The following AKAP14 variants were observed in gnomAD, a reference collection of about 807,000 sequenced individuals.
The protein encoded by AKAP14 is A-kinase anchor protein 14.
A neutral mutation model predicts 17.0 loss-of-function variants in AKAP14; 4 were observed. The observed-to-expected ratio is 0.23, with a 90% CI of 0.12 to 0.54. The LOEUF (loss-of-function observed/expected upper bound fraction) is 0.54, where lower values mean the gene tolerates loss of function less well. AKAP14 is among the 20% of genes least tolerant of loss of function. The pLI is 0.95. For missense variants in AKAP14, 129 were observed against 150.9 expected, an observed-to-expected ratio of 0.85 and a Z score of 0.76; for synonymous variants, 42 against 51.3, an observed-to-expected ratio of 0.82 and a Z score of 0.77.
intron 5 of AKAP14, among the ~76,000 whole-genome samples, chrX:119,918,538 T>C (rs1215010983): frequency 8.9e-6 from 1 of 112,587 alleles, no homozygotes; most frequent in Non-Finnish European, 1.9e-5. Flanking sequence ...AGCCCTGTAA[T>C]TGTTTTATTA....
At chrX:119,906,234 T>C (rs1282722680) in intron 4 of AKAP14, among the ~76,000 whole-genome samples, 1 of 82,837 alleles carries the variant, frequency 1.2e-5, no homozygotes, top group Non-Finnish European at 2.3e-5. Flanking sequence ...TCTTTTTTTT[T>C]TTTTTTTTTT....
chrX:119,912,673 G>A (rs758754963), intron 4 of AKAP14, among the ~76,000 whole-genome samples: 3 of 111,091 alleles, frequency 2.7e-5, no homozygotes, highest in Admixed American at 1.9e-4. Context: ...TTACAGGCGT[G>A]AGCCACTGTG....
At chrX:119,910,672 T>A (rs2056622430) in intron 4 of AKAP14, among the ~76,000 whole-genome samples, 1 of 110,921 alleles carries the variant, frequency 9.0e-6, no homozygotes, top group African/African-American at 3.3e-5. Context: ...ATTCTTCTTC[T>A]TTTTTTTGAG....
chrX:119,920,504 G>A lies in AKAP14; in HGVS notation c.495-4G>A. Reference sequence around the variant, plus strand: ...TAAAAGTGTTTGTTTTTCTTCCTTTGTAGACCAGGAATGGTTCGCTTTCGA... The same window carrying A: ...TAAAAGTGTTTGTTTTTCTTCCTTTATAGACCAGGAATGGTTCGCTTTCGA... On this transcript the variant is annotated splice_region_variant and splice_polypyrimidine_tract_variant and intron_variant, in intron 6 of 6. Transcript: ENST00000371431. The A allele has an allele frequency of 8.4e-7, 1 of 1,195,626 alleles. No individual in the cohort carries two copies. The highest frequency in any genetic ancestry group is 1.1e-6 in the Non-Finnish European group (1 of 883,727).
chrX:119,914,877 C>T lies in AKAP14; in HGVS notation c.440C>T (p.Pro147Leu), dbSNP rs141817518. The change falls in exon 5 of 7, where the codon CCG becomes CTG. Residue 147 changes from proline to leucine, a missense_variant and splice_region_variant. By Grantham distance (98) the Pro-to-Leu change is moderately conservative. Coordinates refer to ENST00000371431, the MANE Select transcript of AKAP14 (RefSeq NM_178813.6). Reference sequence around the variant, plus strand: ...ATGAAGGTCTCCAAAACCAAACCACCGGTAAGTTCTTCTTTTTCTCCCTTC... The same window carrying T: ...ATGAAGGTCTCCAAAACCAAACCACTGGTAAGTTCTTCTTTTTCTCCCTTC... The part of the protein sequence containing the change: ...FTMKVSKTKP[P>L]DAPIVVSYVG... The T allele has an allele frequency of 1.9e-4, 225 of 1,200,389 alleles. No individual in the cohort carries two copies. The African/African-American group carries it at 3.6e-3, about 19-fold the overall frequency.
chrX:119,908,816 C>T (rs1187601304), intron 4 of AKAP14, among the ~76,000 whole-genome samples: 1 of 111,732 alleles, frequency 8.9e-6, no homozygotes, highest in Non-Finnish European at 1.9e-5. Context: ...TGCCTGCACA[C>T]GGATAAAAAT....
chrX:119,907,820 A>T (rs1273027914), intron 4 of AKAP14, among the ~76,000 whole-genome samples: 1 of 111,883 alleles, frequency 8.9e-6, no homozygotes, highest in East Asian at 2.8e-4. Context: ...CCACCACAGT[A>T]GGAAAAGTAT....
intron 4 of AKAP14, among the ~76,000 whole-genome samples, chrX:119,910,724 G>A (rs1236537782): frequency 3.6e-5 from 4 of 110,714 alleles, no homozygotes; most frequent in Non-Finnish European, 7.6e-5. Flanking sequence ...GTGCAATGGC[G>A]CAATCTCGTC....
At chrX:119,908,390 A>C (rs1333787254) in intron 4 of AKAP14, among the ~76,000 whole-genome samples, 1 of 111,298 alleles carries the variant, frequency 9.0e-6, no homozygotes, top group African/African-American at 3.3e-5. Flanking sequence ...TCAGGAACAC[A>C]GTCTGGCAAC....
intron 4 of AKAP14, among the ~76,000 whole-genome samples, chrX:119,907,421 G>A (rs1335814298): frequency 9.1e-6 from 1 of 110,396 alleles, no homozygotes; most frequent in Non-Finnish European, 1.9e-5. Flanking sequence ...GTGAGCCACT[G>A]TGCCTGGCCT....
chrX:119,917,477 T>C (rs149959331), intron 5 of AKAP14, among the ~76,000 whole-genome samples: 5,240 of 112,015 alleles, frequency 0.047, 135 homozygotes, highest in African/African-American at 0.097. Context: ...TGGTGGCTCA[T>C]GCCTATAATC....
chrX:119,906,225 CTTTTTTT>C (rs10637499), intron 4 of AKAP14, among the ~76,000 whole-genome samples: 9 of 50,887 alleles, frequency 1.8e-4, no homozygotes, highest in African/African-American at 5.3e-4. Flanking sequence ...CCTGGCATTT[CTTTTTTT>C]TTTTTTTTTT....
intron 4 of AKAP14, 142 bp from the exon 5 acceptor site, chrX:119,914,557 A>G: frequency 5.5e-6 from 3 of 544,339 alleles, no homozygotes; most frequent in Non-Finnish European, 8.5e-6. Context: ...TCCTGGGCTC[A>G]AGCAATCCTC....
At position 119,897,035 on chromosome X, in the gene AKAP14, C is replaced by T. The variant is rs1237917242; in HGVS notation, c.-11+768C>T. 3.6e-5 allele frequency among the ~76,000 whole-genome samples: 4 copies of T among 110,504 alleles called. No homozygotes were observed. The South Asian group carries it at 1.5e-3, about 42-fold the overall frequency. On this transcript the variant is annotated intron_variant, in intron 2 of 6. Coordinates refer to ENST00000371431, the MANE Select transcript of AKAP14 (RefSeq NM_178813.6). ...ATGTTGGCCAGGCTGGTTTCGAACT[C>T]CTGACCTCAGGTAATCCTCCCACAT...
intron 4 of AKAP14, among the ~76,000 whole-genome samples, chrX:119,912,929 C>T (rs2056635821): frequency 1.8e-5 from 2 of 110,221 alleles, no homozygotes; most frequent in African/African-American, 3.3e-5. Context: ...TAGGCCCAGA[C>T]AAAGGAGACA....
At chrX:119,917,183 A>G (rs1343750885) in intron 5 of AKAP14, among the ~76,000 whole-genome samples, 2 of 110,296 alleles carry the variant, frequency 1.8e-5, no homozygotes, top group African/African-American at 6.6e-5. Flanking sequence ...TGCTTCTCAA[A>G]ATTTAAAGTG....
At chrX:119,906,506 T>C (rs2056598705) in intron 4 of AKAP14, among the ~76,000 whole-genome samples, 1 of 107,796 alleles carries the variant, frequency 9.3e-6, no homozygotes, top group Non-Finnish European at 1.9e-5. Flanking sequence ...GTGCTGGGAT[T>C]ACAGGCGTGA....
Position 119,908,279 on chromosome X carries a change from T to C in AKAP14, c.261+4693T>C, listed in dbSNP as rs752558771. Among the ~76,000 whole-genome samples, 365 of 69,406 alleles carry C rather than the reference T, an allele frequency of 5.3e-3. 2 individuals carry two copies. The highest frequency in any genetic ancestry group is 0.022 in the African/African-American group (311 of 14,464). The allele number at this position is 69,406 out of a possible 115,157, so 60.3% of individuals were successfully genotyped here. On this transcript the variant is annotated intron_variant, in intron 4 of 6. Coordinates refer to ENST00000371431, the MANE Select transcript of AKAP14 (RefSeq NM_178813.6). ...TCCAGCCTGGGCAACAGAGTGAGAC[T>C]CTGTCAAAAAAAAAAAAAAAAAAGA... is the stretch of plus-strand genomic sequence containing the variant.
intron 5 of AKAP14, among the ~76,000 whole-genome samples, chrX:119,917,232 C>T (rs1569470367): frequency 9.0e-6 from 1 of 111,283 alleles, no homozygotes; most frequent in Non-Finnish European, 1.9e-5. Context: ...AATCCCAGCA[C>T]TTTGGGAGGC....
Sources: gnomAD v4.1 joint callset for allele counts (sites outside exome capture counted in the v4.1 genomes callset) on GRCh38, gnomAD v4.1.1 for gene constraint, MANE v1.5 for transcripts, NCBI Gene and HGNC (gene_info 2026-07-23, HGNC 2026-07-21) for gene names.